The following HDAC4 variants were observed in gnomAD, a reference collection of about 807,000 sequenced individuals.
HDAC4 encodes the protein histone deacetylase A.
A neutral mutation model predicts 135.1 loss-of-function variants in HDAC4; 16 were observed. The observed-to-expected ratio is 0.12, with a 90% CI of 0.08 to 0.18. HDAC4 has a LOEUF of 0.18. Ranked by LOEUF, HDAC4 falls within the 10% of genes least tolerant of loss-of-function variation. The pLI, the probability that HDAC4 is intolerant of heterozygous loss-of-function variation, is 1.00. For synonymous variants in HDAC4, 685 were observed against 653.4 expected (o/e 1.05, Z -0.74); for missense variants, 1,143 against 1,511.8 (o/e 0.76, Z 4.05).
At chr2:239,353,674 C>T (rs1693308312) in intron 1 of HDAC4, among the ~76,000 whole-genome samples, 1 of 152,188 alleles carries the variant, frequency 6.6e-6, no homozygotes. Context: ...GAGACACCTT[C>T]CTTACCCCTT....
rs544747128 is a variant in HDAC4, at chr2:239,355,999, C to A, written c.-219-3081G>T. ...CTATAATAGAAATGTTCTGGAAGAA[C>A]CTCACGCTCTTGCAAAACTGTATAC... On this transcript the variant is annotated intron_variant, in intron 1 of 26. Coordinates refer to ENST00000543185, the MANE Select transcript of HDAC4 (RefSeq NM_001378414.1). 3.3e-5 allele frequency among the ~76,000 whole-genome samples: 5 copies of A among 152,264 alleles called. No individual in the cohort carries two copies. The East Asian group carries it at 7.7e-4, about 23-fold the overall frequency.
At chr2:239,120,385 ACACACAGACG>A (rs746684832) in intron 12 of HDAC4, among the ~76,000 whole-genome samples, 24 of 151,038 alleles carry the variant, frequency 1.6e-4, no homozygotes, top group Non-Finnish European at 2.7e-4. Flanking sequence ...CCGCAGAGGC[ACACACAGACG>A]CACACAGACA....
intron 3 of HDAC4, among the ~76,000 whole-genome samples, chr2:239,217,242 C>T (rs943703476): frequency 3.0e-4 from 45 of 152,172 alleles, no homozygotes; most frequent in African/African-American, 1.0e-3. Flanking sequence ...TCTCCAAAAG[C>T]AAGAGGCCCG....
intron 12 of HDAC4, 39 bp downstream of exon 12, chr2:239,126,417 C>A: frequency 6.2e-7 from 1 of 1,612,300 alleles, no homozygotes; most frequent in Non-Finnish European, 8.5e-7. Context: ...CAGCACACAG[C>A]CGCCCTGGGG....
intron 2 of HDAC4, among the ~76,000 whole-genome samples, chr2:239,277,471 G>A (rs1487462632): frequency 1.3e-5 from 2 of 152,216 alleles, no homozygotes; most frequent in Admixed American, 1.3e-4. Flanking sequence ...GAAGGAACAT[G>A]TTTATGGTCT....
At chr2:239,234,888 A>G (rs1224468989) in intron 3 of HDAC4, among the ~76,000 whole-genome samples, 2 of 152,196 alleles carry the variant, frequency 1.3e-5, no homozygotes, top group African/African-American at 2.4e-5. Flanking sequence ...CCATCAAGCT[A>G]TCAGAAAATC....
intron 6 of HDAC4, chr2:239,161,863 C>T (rs994405709): frequency 1.1e-5 from 4 of 373,684 alleles, no homozygotes; most frequent in African/African-American, 2.1e-5. Context: ...CTCAGCACGT[C>T]CCTCAGCGCC....
rs1279303547 is a variant in HDAC4, at chr2:239,142,994, G to A, written c.865+1589C>T. 2.6e-5 allele frequency among the ~76,000 whole-genome samples: 4 copies of A among 151,436 alleles called. No homozygotes were observed. In the East Asian group the frequency reaches 7.8e-4, roughly 29 times the overall value. ...CCTGGGTGAGCTCAGCACTGATCAG[G>A]CCCTGTCACACATGACTCCTGGGTG... is the stretch of plus-strand genomic sequence containing the variant. On this transcript the variant is annotated intron_variant, in intron 8 of 26. Transcript: ENST00000543185.
chr2:239,393,341 G>A (rs1249533584), intron 1 of HDAC4, among the ~76,000 whole-genome samples: 2 of 152,196 alleles, frequency 1.3e-5, no homozygotes, highest in Non-Finnish European at 2.9e-5. Flanking sequence ...CCAGGCACCA[G>A]TGCACAAAAT....
At chr2:239,301,296 G>A (rs2052244333) in intron 2 of HDAC4, among the ~76,000 whole-genome samples, 1 of 152,110 alleles carries the variant, frequency 6.6e-6, no homozygotes, top group Non-Finnish European at 1.5e-5. Flanking sequence ...TGCAGCGTGG[G>A]AACTGACCCT....
chr2:239,138,630 G>A (rs951539489), intron 9 of HDAC4, among the ~76,000 whole-genome samples: 1 of 152,114 alleles, frequency 6.6e-6, no homozygotes. Flanking sequence ...CTGCAGTCAG[G>A]CCCACCCAGG....
intron 3 of HDAC4, among the ~76,000 whole-genome samples, chr2:239,224,925 A>G (rs1367375624): frequency 6.6e-6 from 1 of 152,228 alleles, no homozygotes; most frequent in Non-Finnish European, 1.5e-5. Flanking sequence ...CCAGCACCCA[A>G]TTACTAGAGA....
intron 8 of HDAC4, among the ~76,000 whole-genome samples, chr2:239,143,117 A>G (rs1188588192): frequency 6.6e-6 from 1 of 152,212 alleles, no homozygotes; most frequent in Non-Finnish European, 1.5e-5. Context: ...CCTTCCAGGG[A>G]AGGACTCTGT....
chr2:239,261,909 C>T (rs1242218682), intron 2 of HDAC4, among the ~76,000 whole-genome samples: 4 of 152,196 alleles, frequency 2.6e-5, no homozygotes, highest in Non-Finnish European at 5.9e-5. Context: ...CTGAGAGTCT[C>T]GAAAAGCCTA....
intron 2 of HDAC4, chr2:239,351,895 G>A (rs1019067177): frequency 4.6e-5 from 7 of 152,782 alleles, no homozygotes; most frequent in African/African-American, 1.7e-4. Flanking sequence ...ACGGTGCGCT[G>A]GAAGTGGCAG....
In HDAC4 at chr2:239,313,446, G is replaced by A. The variant is rs1195928562; in HGVS notation, c.22+39232C>T. On this transcript the variant is annotated intron_variant, in intron 2 of 26. Transcript: ENST00000543185. The surrounding 1 kb of genome is among the most constrained non-coding windows in gnomAD (Gnocchi z 5.1). ...GTATCCCCAGGCTGCCCAGGAGCCC[G>A]CTCCTCCAATTGGGGGCTGGCCATC... 2.0e-5 allele frequency among the ~76,000 whole-genome samples: 3 copies of A among 151,988 alleles called. No individual in the cohort carries two copies. Among genetic ancestry groups the A allele is most frequent in the Non-Finnish European group, 2.9e-5 (2 of 68,002 alleles).
chr2:239,256,259 G>T (rs188659908), intron 2 of HDAC4, among the ~76,000 whole-genome samples: 1 of 152,220 alleles, frequency 6.6e-6, no homozygotes. Flanking sequence ...TTTAAGGCAG[G>T]AGAGAAACAA....
At position 239,053,579 on chromosome 2, in the gene HDAC4, C is replaced by T; in HGVS notation, c.3111G>A (p.Gln1037=). 6.2e-7 allele frequency: 1 copy of T among 1,613,864 alleles called. No homozygotes were observed. Among genetic ancestry groups the T allele is most frequent in the Non-Finnish European group, 8.5e-7 (1 of 1,179,998 alleles). The stretch of plus-strand genomic sequence containing the variant: ...AACGCCCCGCTGTGGAGGTTGTGCG[C>T]TGCAGGCAGCGCCAGTACTTGCCTG... The part of the protein sequence containing the change: ...EIHSKYWRCL[Q]RTTSTAGRSL... The change falls in exon 26 of 27, where the codon CAG becomes CAA. Residue 1037 remains glutamine, a synonymous_variant. Coordinates refer to ENST00000543185, the MANE Select transcript of HDAC4 (RefSeq NM_001378414.1).
intron 2 of HDAC4, among the ~76,000 whole-genome samples, chr2:239,346,719 AAC>A (rs949758271): frequency 3.4e-4 from 47 of 139,720 alleles, no homozygotes; most frequent in African/African-American, 1.1e-3. Context: ...CACATACCCT[AAC>A]ACACACGCTC....
Sources: allele counts gnomAD v4.1 joint callset (sites outside exome capture counted in the v4.1 genomes callset), GRCh38; gene constraint gnomAD v4.1.1; non-coding constraint Gnocchi (gnomAD v3.1); transcripts MANE v1.5; gene names NCBI Gene and HGNC (gene_info 2026-07-23, HGNC 2026-07-21).